AR: variants seen among roughly 807,000 people sequenced by gnomAD.
AR encodes androgen receptor, also known as dihydrotestosterone receptor.
Under a neutral mutation model 53.9 loss-of-function variants are expected in AR, and 8 were observed. The observed-to-expected ratio is 0.15, with a 90% CI of 0.09 to 0.27. The LOEUF is 0.27. Among genes scored for constraint, AR ranks in the 10% least tolerant of loss-of-function variants. The probability of loss-of-function intolerance (pLI) is 1.00; values close to 1 mark genes in which losing one functional copy is unlikely to be tolerated. For missense variants in AR, 639 were observed against 742.5 expected (o/e 0.86, Z 1.62); for synonymous variants, 359 against 316.4 (o/e 1.13, Z -1.43).
intron 1 of AR, among the ~76,000 whole-genome samples, chrX:67,639,034 T>C (rs927371634): frequency 8.9e-6 from 1 of 112,181 alleles, no homozygotes; most frequent in African/African-American, 3.2e-5. Context: ...TTTCTGCATA[T>C]GGCTAGCTAG....
In AR at chrX:67,546,208, C is replaced by T. The variant is rs759716252; in HGVS notation, c.1062C>T (p.Asp354=). The T allele has an allele frequency of 8.3e-7, 1 of 1,211,759 alleles. No homozygotes were observed. Among genetic ancestry groups the T allele is most frequent in the Non-Finnish European group, 1.1e-6 (1 of 895,417 alleles). ...CTCTCTACAAGTCCGGAGCACTGGA[C>T]GAGGCAGCTGCGTACCAGAGTCGCG... ...TLSLYKSGAL[D]EAAAYQSRDY... is the part of the protein sequence containing the mutation. Residue 354 remains aspartate, a synonymous_variant, in exon 1 of 8, where the codon GAC becomes GAT. Transcript: ENST00000374690.
intron 1 of AR, among the ~76,000 whole-genome samples, chrX:67,616,884 G>A (rs944666894): frequency 9.0e-6 from 1 of 111,137 alleles, no homozygotes; most frequent in Non-Finnish European, 1.9e-5. Context: ...AAGGCAAAGC[G>A]CCTGGTGCTC....
intron 3 of AR, among the ~76,000 whole-genome samples, chrX:67,701,560 A>T (rs990617301): frequency 2.7e-5 from 3 of 111,794 alleles, no homozygotes; most frequent in Non-Finnish European, 5.6e-5. Context: ...GGAATTTTTT[A>T]AAAATCTATT....
intron 1 of AR, among the ~76,000 whole-genome samples, chrX:67,574,357 GAAGT>G (rs1162678819): frequency 3.6e-5 from 4 of 111,196 alleles, no homozygotes; most frequent in African/African-American, 1.3e-4. Context: ...ACACTTTCCA[GAAGT>G]AAGTAAGTAA....
chrX:67,680,934 G>C (rs2075929771), intron 2 of AR: 1 of 236,322 alleles, frequency 4.2e-6, no homozygotes. Flanking sequence ...AGCAACATCA[G>C]ACAGTCAAGA....
chrX:67,561,059 T>C (rs1921279601), intron 1 of AR, among the ~76,000 whole-genome samples: 1 of 112,252 alleles, frequency 8.9e-6, no homozygotes, highest in African/African-American at 3.2e-5. Flanking sequence ...TCCATCAATA[T>C]GGTACTTAGT....
chrX:67,701,551 G>T (rs180792504), intron 3 of AR, among the ~76,000 whole-genome samples: 2 of 111,794 alleles, frequency 1.8e-5, no homozygotes, highest in East Asian at 5.7e-4. Context: ...CAAGTTTCAG[G>T]AATTTTTTAA....
chrX:67,629,560 C>G (rs1197704846), intron 1 of AR, among the ~76,000 whole-genome samples: 1 of 109,361 alleles, frequency 9.1e-6, no homozygotes, highest in Non-Finnish European at 1.9e-5. Context: ...AGCAGTCTAT[C>G]AATTTTGTTG....
At chrX:67,660,159 A>G (rs1395009154) in intron 2 of AR, among the ~76,000 whole-genome samples, 1 of 111,871 alleles carries the variant, frequency 8.9e-6, no homozygotes, top group East Asian at 2.8e-4. Context: ...CCCATTCTGT[A>G]GGTTGCCTGT....
At chrX:67,596,500 G>T (rs931560879) in intron 1 of AR, among the ~76,000 whole-genome samples, 2 of 111,255 alleles carry the variant, frequency 1.8e-5, no homozygotes, top group Non-Finnish European at 3.8e-5. Context: ...TTTTAAAATG[G>T]TTTAAAAAAT....
At chrX:67,629,533 T>C (rs1280130903) in intron 1 of AR, among the ~76,000 whole-genome samples, 2 of 108,913 alleles carry the variant, frequency 1.8e-5, no homozygotes, top group African/African-American at 6.7e-5. Context: ...TCTCTTTTTT[T>C]CTTTATTAGT....
chrX:67,554,797 G>A (rs186748667), intron 1 of AR, among the ~76,000 whole-genome samples: 3 of 108,758 alleles, frequency 2.8e-5, no homozygotes, highest in Admixed American at 2.0e-4. Flanking sequence ...TTATCCAGGC[G>A]TTTTGGTGAG....
intron 1 of AR, among the ~76,000 whole-genome samples, chrX:67,637,684 T>C (rs1385762073): frequency 9.0e-6 from 1 of 110,896 alleles, no homozygotes; most frequent in Non-Finnish European, 1.9e-5. Flanking sequence ...CACAATGTTG[T>C]ACAGCAGACG....
chrX:67,673,473 T>G (rs1480774214), intron 2 of AR, among the ~76,000 whole-genome samples: 11 of 64,736 alleles, frequency 1.7e-4, no homozygotes, highest in African/African-American at 3.0e-4. Flanking sequence ...TGTTTGCTAT[T>G]TTTTTTTTTT....
intron 7 of AR, among the ~76,000 whole-genome samples, chrX:67,723,312 C>CTCTGTG (rs1555997940): frequency 0.089 from 6,964 of 77,877 alleles, 498 homozygotes; most frequent in Non-Finnish European, 0.12. Context: ...GTTTGTCTGT[C>CTCTGTG]TGTGTGTGTG....
At chrX:67,570,484 A>G (rs975850471) in intron 1 of AR, among the ~76,000 whole-genome samples, 3 of 112,060 alleles carry the variant, frequency 2.7e-5, no homozygotes, top group African/African-American at 6.5e-5. Context: ...GTGTGTCTTT[A>G]TTAACAGGAC....
Position 67,688,486 on chromosome X carries a change from T to G in AR, c.1885+2360T>G, listed in dbSNP as rs374660708. 8.1e-5 allele frequency among the ~76,000 whole-genome samples: 9 copies of G among 111,797 alleles called. No homozygotes were observed. The East Asian group carries it at 8.5e-4, about 11-fold the overall frequency. ...ACATTGAGGTCACTAGTAATTTAGC[T>G]GGAAAGTCTGTAACACAGCACTTCC... On this transcript the variant is annotated intron_variant, in intron 3 of 7. Transcript: ENST00000374690.
chrX:67,687,105 A>G (rs947927187), intron 3 of AR, among the ~76,000 whole-genome samples: 3 of 111,776 alleles, frequency 2.7e-5, no homozygotes, highest in Non-Finnish European at 5.6e-5. Flanking sequence ...ATACCCAATT[A>G]TTCATTATTA....
At chrX:67,635,363 C>T (rs181124155) in intron 1 of AR, among the ~76,000 whole-genome samples, 1 of 111,545 alleles carries the variant, frequency 9.0e-6, no homozygotes, top group East Asian at 2.8e-4. Flanking sequence ...GATTCCAACC[C>T]AGGTCTGGTG....
Sources: gnomAD v4.1 joint callset for allele counts (sites outside exome capture counted in the v4.1 genomes callset) on GRCh38, gnomAD v4.1.1 for gene constraint, MANE v1.5 for transcripts, NCBI Gene and HGNC (gene_info 2026-07-23, HGNC 2026-07-21) for gene names.